COL19A1: variants seen among roughly 807,000 people sequenced by gnomAD.
COL19A1 encodes collagen type XIX alpha 1 chain.
In COL19A1, 159 loss-of-function variants were observed where a neutral mutation model predicts 190.2. That is an observed-to-expected ratio of 0.84 (90% CI 0.73 to 0.95). The LOEUF (loss-of-function observed/expected upper bound fraction) is 0.95. Ranked by LOEUF, COL19A1 falls within the 40% of genes least tolerant of loss-of-function variation. The pLI, the probability that COL19A1 is intolerant of heterozygous loss-of-function variation, is 0.00. For missense variants in COL19A1, 1,418 were observed against 1,431.9 expected (o/e 0.99, Z 0.16); for synonymous variants, 509 against 458.9 (o/e 1.11, Z -1.39).
At position 70,023,651 on chromosome 6, in the gene COL19A1, C is replaced by A. The variant is rs1778570473; in HGVS notation, c.1051C>A (p.Pro351Thr). Reference protein sequence around the residue: ...EKGEQGEKGDPALAGLNGENG... With the variant: ...EKGEQGEKGDTALAGLNGENG... ...GGGTGAACAAGGAGAAAAAGGAGAT[C>A]CAGCTCTGGCTGGCCTTAATGGAGA... is the stretch of plus-strand genomic sequence containing the variant. The change falls in exon 12 of 51, where the codon CCA becomes ACA. Residue 351 changes from proline (P) to threonine (T), a missense_variant. Physicochemically the swap from Pro to Thr is conservative, Grantham distance 38. Transcript: ENST00000620364. 1 of 1,610,960 alleles carries A rather than the reference C, an allele frequency of 6.2e-7. No homozygotes were observed. The highest frequency in any genetic ancestry group is 1.3e-5 in the African/African-American group (1 of 74,548).
intron 49 of COL19A1, 70 bp from the exon 50 acceptor site, chr6:70,206,831 G>T (rs1229143385): frequency 1.5e-5 from 19 of 1,280,216 alleles, no homozygotes; most frequent in Admixed American, 4.6e-5. Flanking sequence ...CTCAGAAAAT[G>T]GTTCTTCTCT....
intron 1 of COL19A1, among the ~76,000 whole-genome samples, chr6:69,877,164 T>A (rs1200094130): frequency 6.6e-6 from 1 of 152,240 alleles, no homozygotes; most frequent in Non-Finnish European, 1.5e-5. Flanking sequence ...CCAAGTGATA[T>A]GACATTTATT....
In COL19A1 at chr6:70,168,044, G is replaced by A. The variant is rs149953250; in HGVS notation, c.2465G>A (p.Arg822Gln). 8.3e-5 allele frequency: 132 copies of A among 1,595,110 alleles called. No homozygotes were observed. The highest frequency in any genetic ancestry group is 6.7e-4 in the African/African-American group (50 of 74,670). ...PGPPGIPFNE[R>Q]NGMSSLYKIK... ...CCTAAGGGTATTCCATTTAATGAACGAAACGGCATGAGCAGTTTATATAAA... is the reference window on the plus strand; with the variant it reads ...CCTAAGGGTATTCCATTTAATGAACAAAACGGCATGAGCAGTTTATATAAA... Residue 822 changes from arginine to glutamine, a missense_variant, in exon 38 of 51, where the codon CGA (arginine) becomes CAA (glutamine). Transcript: ENST00000620364.
chr6:69,963,611 G>C (rs1774926877), intron 11 of COL19A1, among the ~76,000 whole-genome samples: 1 of 152,162 alleles, frequency 6.6e-6, no homozygotes, highest in Non-Finnish European at 1.5e-5. Flanking sequence ...AAACCAAGTT[G>C]AGAGCCAGTG....
At chr6:70,115,825 G>GT (rs57814985) in intron 16 of COL19A1, among the ~76,000 whole-genome samples, 8,634 of 117,010 alleles carry the variant, frequency 0.074, 1,182 homozygotes, top group African/African-American at 0.25. Context: ...TTGGTGTTTT[G>GT]TTTTTTTTTT....
At chr6:69,960,670 C>G (rs1774731810) in intron 10 of COL19A1, among the ~76,000 whole-genome samples, 1 of 142,970 alleles carries the variant, frequency 7.0e-6, no homozygotes, top group Non-Finnish European at 1.5e-5. Context: ...CGCTCTGTCT[C>G]CCAGGCTGGA....
At chr6:69,971,542 A>G (rs932381585) in intron 11 of COL19A1, among the ~76,000 whole-genome samples, 1 of 152,228 alleles carries the variant, frequency 6.6e-6, no homozygotes, top group East Asian at 1.9e-4. Context: ...CAAAGCCATC[A>G]TAAGGTCCTT....
chr6:70,137,914 C>G (rs1193932062), intron 19 of COL19A1, among the ~76,000 whole-genome samples, 167 bp downstream of exon 19: 1 of 152,184 alleles, frequency 6.6e-6, no homozygotes, highest in Non-Finnish European at 1.5e-5. Flanking sequence ...AAGTCTCTTA[C>G]ATGTATTTAC....
intron 17 of COL19A1, among the ~76,000 whole-genome samples, chr6:70,127,585 G>T (rs143155040): frequency 0.016 from 2,508 of 152,306 alleles, 72 homozygotes; most frequent in African/African-American, 0.055. Context: ...ACATACCCTA[G>T]ACTGGGCAAT....
chr6:69,987,889 G>A (rs1776397267), intron 11 of COL19A1, among the ~76,000 whole-genome samples: 1 of 152,114 alleles, frequency 6.6e-6, no homozygotes, highest in Non-Finnish European at 1.5e-5. Flanking sequence ...ACAGTAAAAG[G>A]GAAATGTGAA....
At chr6:69,927,837 A>G (rs1425307445) in intron 4 of COL19A1, 72 bp from the exon 5 acceptor site, 2 of 1,536,398 alleles carry the variant, frequency 1.3e-6, no homozygotes, top group African/African-American at 2.8e-5. Flanking sequence ...GTTACACAGA[A>G]CTTTATACCT....
rs1028448333 is a variant in COL19A1 at position 70,211,421 on chromosome 6, G to T, written c.*4147G>T. Among the ~76,000 whole-genome samples the T allele has an allele frequency of 6.6e-6, 1 of 151,608 alleles. No homozygotes were observed. Among genetic ancestry groups the T allele is most frequent in the South Asian group, 2.1e-4 (1 of 4,808 alleles). On this transcript the variant is annotated 3_prime_UTR_variant, in exon 51 of 51. Coordinates refer to ENST00000620364, the MANE Select transcript of COL19A1 (RefSeq NM_001858.6). Reference sequence around the variant, plus strand: ...TGAAGACACACAAGTGTTTACTGTCGCAGTTTCCCAGCGTTATTTCTTAAT... The same window carrying T: ...TGAAGACACACAAGTGTTTACTGTCTCAGTTTCCCAGCGTTATTTCTTAAT...
At chr6:70,095,135 G>T (rs1239327235) in intron 15 of COL19A1, among the ~76,000 whole-genome samples, 1 of 151,956 alleles carries the variant, frequency 6.6e-6, no homozygotes, top group East Asian at 1.9e-4. Flanking sequence ...TGCCCATTTT[G>T]TTCTTTGTAT....
At chr6:69,935,102 A>G (rs1773013157) in intron 7 of COL19A1, among the ~76,000 whole-genome samples, 1 of 152,064 alleles carries the variant, frequency 6.6e-6, no homozygotes, top group Non-Finnish European at 1.5e-5. Flanking sequence ...TAAAGTAGTT[A>G]AGTTTCATGA....
chr6:69,902,892 GT>G (rs1230557340), intron 4 of COL19A1, among the ~76,000 whole-genome samples: 1 of 152,136 alleles, frequency 6.6e-6, no homozygotes, highest in African/African-American at 2.4e-5. Context: ...CCAACACCAG[GT>G]TTTTTTGTTA....
intron 1 of COL19A1, among the ~76,000 whole-genome samples, chr6:69,869,562 A>AG (rs1371287170): frequency 6.6e-6 from 1 of 152,134 alleles, no homozygotes; most frequent in African/African-American, 2.4e-5. Context: ...TTGAAAAAAA[A>AG]TGGGAAAAAG....
chr6:70,106,420 AT>A, intron 16 of COL19A1, among the ~76,000 whole-genome samples: 1 of 152,158 alleles, frequency 6.6e-6, no homozygotes, highest in South Asian at 2.1e-4. Context: ...AAGATTTCTA[AT>A]AATGGAAAAT....
chr6:69,940,640 A>G (rs1420159212), intron 9 of COL19A1, among the ~76,000 whole-genome samples: 2 of 152,198 alleles, frequency 1.3e-5, no homozygotes, highest in East Asian at 1.9e-4. Flanking sequence ...CATAATGGCA[A>G]GAGATTTTAG....
intron 4 of COL19A1, among the ~76,000 whole-genome samples, chr6:69,923,646 C>G (rs115487686): frequency 0.017 from 2,600 of 152,166 alleles, 81 homozygotes; most frequent in African/African-American, 0.058. Context: ...AGAAGACATC[C>G]ATAGAGGGCA....
Sources: gnomAD v4.1 joint callset for allele counts (sites outside exome capture counted in the v4.1 genomes callset) on GRCh38, gnomAD v4.1.1 for gene constraint, MANE v1.5 for transcripts, NCBI Gene and HGNC (gene_info 2026-07-23, HGNC 2026-07-21) for gene names.